The following STK32B variants were observed in gnomAD, a reference collection of about 807,000 sequenced individuals.
STK32B encodes the protein serine/threonine kinase 32B.
Under a neutral mutation model 52.6 loss-of-function variants are expected in STK32B, and 43 were observed. The ratio of observed to expected loss-of-function variants is 0.82; its 90% CI spans 0.64 to 1.05. The LOEUF is 1.05. Among genes scored for constraint, STK32B ranks in the 50% least tolerant of loss-of-function variants. The pLI is 0.00. For missense variants in STK32B, 621 were observed against 534.6 expected, an observed-to-expected ratio of 1.16 and a Z score of -1.59; for synonymous variants, 238 against 204.3, an observed-to-expected ratio of 1.17 and a Z score of -1.41.
At chr4:5,180,295 G>A (rs530573157) in intron 3 of STK32B, among the ~76,000 whole-genome samples, 6 of 152,222 alleles carry the variant, frequency 3.9e-5, no homozygotes, top group Non-Finnish European at 8.8e-5. Context: ...CAGGTGGCTG[G>A]CCACTAACAT....
intron 3 of STK32B, among the ~76,000 whole-genome samples, chr4:5,276,322 T>C (rs1313348905): frequency 1.3e-5 from 2 of 152,088 alleles, no homozygotes; most frequent in African/African-American, 2.4e-5. Flanking sequence ...TAACCAGGTT[T>C]ATCACGTTTT....
chr4:5,102,426 C>CTCCTTCCTTGCT (rs1244478071), intron 1 of STK32B, among the ~76,000 whole-genome samples: 1 of 144,408 alleles, frequency 6.9e-6, no homozygotes, highest in Non-Finnish European at 1.5e-5. Flanking sequence ...TTTCCTTCTT[C>CTCCTTCCTTGCT]TCCTTCCTTG....
At chr4:5,465,489 AC>A (rs747505534) in intron 9 of STK32B, among the ~76,000 whole-genome samples, 9 of 152,038 alleles carry the variant, frequency 5.9e-5, no homozygotes, top group Non-Finnish European at 1.2e-4. Flanking sequence ...AGGTAGCAAG[AC>A]CCTTTCTTGT....
chr4:5,167,980 T>C (rs1332853747), intron 2 of STK32B, among the ~76,000 whole-genome samples: 4 of 152,206 alleles, frequency 2.6e-5, no homozygotes, highest in Non-Finnish European at 5.9e-5. Context: ...TTTTTGCATT[T>C]ATCTATTTTC....
chr4:5,168,187 C>A, intron 2 of STK32B, 112 bp from the exon 3 acceptor site: 1 of 1,405,724 alleles, frequency 7.1e-7, no homozygotes, highest in Non-Finnish European at 9.5e-7. Context: ...TAGCAGATTT[C>A]AAGAACAGGG....
intron 4 of STK32B, among the ~76,000 whole-genome samples, chr4:5,388,492 C>T (rs1736397878): frequency 6.6e-6 from 1 of 152,164 alleles, no homozygotes; most frequent in African/African-American, 2.4e-5. Context: ...CAGAACATGA[C>T]ACATACTCAC....
chr4:5,445,842 C>T (rs1416164023), intron 6 of STK32B, among the ~76,000 whole-genome samples: 1 of 151,946 alleles, frequency 6.6e-6, no homozygotes, highest in Non-Finnish European at 1.5e-5. Flanking sequence ...CCACCCACAG[C>T]CCCTAGCAAC....
chr4:5,407,967 C>T (rs182192039), intron 5 of STK32B, among the ~76,000 whole-genome samples: 1 of 152,088 alleles, frequency 6.6e-6, no homozygotes, highest in African/African-American at 2.4e-5. Flanking sequence ...GTTCCCTCAC[C>T]CTTTCCACCA....
chr4:5,036,052 G>A, the STK32B span, among the ~76,000 whole-genome samples: 1 of 152,078 alleles, frequency 6.6e-6, no homozygotes, highest in Non-Finnish European at 1.5e-5. Context: ...AAAGTGCTGG[G>A]ATTACAGGCG....
chr4:5,172,652 A>T (rs996211118), intron 3 of STK32B, among the ~76,000 whole-genome samples: 13 of 152,170 alleles, frequency 8.5e-5, no homozygotes, highest in Non-Finnish European at 1.9e-4. Context: ...CATCCCAGGG[A>T]TGAACCCCAC....
chr4:5,050,219 T>C (rs1195554703), upstream of STK32B, among the ~76,000 whole-genome samples: 1 of 152,202 alleles, frequency 6.6e-6, no homozygotes, highest in Non-Finnish European at 1.5e-5. Context: ...CGGGCACTGT[T>C]GCCTGCTTTT....
At chr4:5,387,308 C>G (rs1736323176) in intron 4 of STK32B, among the ~76,000 whole-genome samples, 1 of 152,162 alleles carries the variant, frequency 6.6e-6, no homozygotes. Flanking sequence ...GGATGCTGTG[C>G]CAGGGCTGCA....
chr4:5,221,047 ATTGAAG>A (rs1723496919), intron 3 of STK32B, among the ~76,000 whole-genome samples: 1 of 152,152 alleles, frequency 6.6e-6, no homozygotes, highest in Admixed American at 6.5e-5. Context: ...TAATTGTCAT[ATTGAAG>A]TTGAGTGTTC....
At chr4:5,237,817 G>C (rs574896612) in intron 3 of STK32B, among the ~76,000 whole-genome samples, 1 of 152,162 alleles carries the variant, frequency 6.6e-6, no homozygotes, top group African/African-American at 2.4e-5. Flanking sequence ...GTGTGAGAAC[G>C]CTGGAGATTG....
At chr4:5,463,474 A>G (rs1717187957) in intron 9 of STK32B, among the ~76,000 whole-genome samples, 1 of 129,372 alleles carries the variant, frequency 7.7e-6, no homozygotes, top group South Asian at 2.2e-4. Context: ...GCACACTCAC[A>G]CACTCAGTCA....
chr4:5,201,643 C>T (rs1722156023), intron 3 of STK32B, among the ~76,000 whole-genome samples: 1 of 152,204 alleles, frequency 6.6e-6, no homozygotes, highest in Non-Finnish European at 1.5e-5. Context: ...GTTTAATTGA[C>T]TCACAGTTAC....
At chr4:5,148,042 G>T (rs921649122) in intron 2 of STK32B, among the ~76,000 whole-genome samples, 1 of 151,822 alleles carries the variant, frequency 6.6e-6, no homozygotes, top group African/African-American at 2.4e-5. Flanking sequence ...TTTCTTTCTA[G>T]TAAGGCTTTT....
chr4:5,197,267 G>T (rs1560216706), intron 3 of STK32B, among the ~76,000 whole-genome samples: 1 of 152,224 alleles, frequency 6.6e-6, no homozygotes, highest in Non-Finnish European at 1.5e-5. Flanking sequence ...GAGGTGCCCA[G>T]CTCTGTAGAT....
intron 3 of STK32B, among the ~76,000 whole-genome samples, chr4:5,244,064 G>A (rs1725252173): frequency 6.6e-6 from 1 of 151,978 alleles, no homozygotes; most frequent in Admixed American, 6.6e-5. Flanking sequence ...TCTCTGCTCA[G>A]CTTTGGTATC....
Sources: gnomAD v4.1 joint callset for allele counts (sites outside exome capture counted in the v4.1 genomes callset) on GRCh38, gnomAD v4.1.1 for gene constraint, MANE v1.5 for transcripts, NCBI Gene and HGNC (gene_info 2026-07-23, HGNC 2026-07-21) for gene names.